The following PLEKHG1 variants were observed in gnomAD, a reference collection of about 807,000 sequenced individuals.
The protein encoded by PLEKHG1 is pleckstrin homology domain-containing family G member 1.
PLEKHG1 carries 44 observed loss-of-function variants against 100.8 expected under a neutral mutation model. That is an observed-to-expected ratio of 0.44 (90% CI 0.34 to 0.56). PLEKHG1 has a LOEUF of 0.56. Ranked by LOEUF, PLEKHG1 falls within the 20% of genes least tolerant of loss-of-function variation. PLEKHG1 has a pLI of 0.01. For missense variants in PLEKHG1, 1,545 were observed against 1,720.9 expected, an observed-to-expected ratio of 0.90 and a Z score of 1.81; for synonymous variants, 640 against 662.5, an observed-to-expected ratio of 0.97 and a Z score of 0.52.
At chr6:150,626,913 C>G (rs942306327) in intron 1 of PLEKHG1, among the ~76,000 whole-genome samples, 1 of 152,144 alleles carries the variant, frequency 6.6e-6, no homozygotes, top group Non-Finnish European at 1.5e-5. Flanking sequence ...TCTTTGTGCT[C>G]AACCATTAGT....
chr6:150,797,195 T>C (rs1328705347), intron 5 of PLEKHG1, among the ~76,000 whole-genome samples: 1 of 152,044 alleles, frequency 6.6e-6, no homozygotes, highest in East Asian at 1.9e-4. Context: ...CTAGGGAGAC[T>C]TTACACACTC....
upstream of PLEKHG1, among the ~76,000 whole-genome samples, chr6:150,716,176 G>A (rs1322892922): frequency 6.6e-6 from 1 of 151,482 alleles, no homozygotes; most frequent in Non-Finnish European, 1.5e-5. Context: ...ACTTCTAATA[G>A]ACTAAAAATA....
chr6:150,658,651 G>A (rs983175640), intron 3 of PLEKHG1, among the ~76,000 whole-genome samples: 5 of 152,100 alleles, frequency 3.3e-5, no homozygotes, highest in Non-Finnish European at 7.4e-5. Flanking sequence ...TCTTAAAGCT[G>A]CCTCTAACTC....
At chr6:150,731,493 G>A (rs965613034) in intron 1 of PLEKHG1, among the ~76,000 whole-genome samples, 1 of 152,202 alleles carries the variant, frequency 6.6e-6, no homozygotes, top group Non-Finnish European at 1.5e-5. Flanking sequence ...TGTTGAAGGA[G>A]AGACTTGTTG....
intron 3 of PLEKHG1, among the ~76,000 whole-genome samples, chr6:150,697,038 G>A (rs9942537): frequency 0.028 from 4,213 of 151,608 alleles, 184 homozygotes; most frequent in African/African-American, 0.097. Flanking sequence ...CAGAGGTTGC[G>A]GTGAGCCAAG....
chr6:150,711,726 T>G (rs73780086), intron 3 of PLEKHG1, among the ~76,000 whole-genome samples: 1 of 152,238 alleles, frequency 6.6e-6, no homozygotes, highest in Admixed American at 6.5e-5. Context: ...TTCACTCTTG[T>G]GTCTTTAGTG....
At chr6:150,613,256 A>AT (rs759012883) in intron 1 of PLEKHG1, among the ~76,000 whole-genome samples, 3 of 152,184 alleles carry the variant, frequency 2.0e-5, no homozygotes, top group Non-Finnish European at 2.9e-5. Context: ...CTTATCAAAG[A>AT]AGTCCTACTG....
At chr6:150,670,373 G>A (rs1779543147) in intron 3 of PLEKHG1, among the ~76,000 whole-genome samples, 1 of 151,992 alleles carries the variant, frequency 6.6e-6, no homozygotes, top group Non-Finnish European at 1.5e-5. Flanking sequence ...TAAGATAAAC[G>A]TTGCGTTTGT....
At chr6:150,798,258 C>G (rs1368382502) in intron 5 of PLEKHG1, among the ~76,000 whole-genome samples, 3 of 152,114 alleles carry the variant, frequency 2.0e-5, no homozygotes, top group Non-Finnish European at 4.4e-5. Context: ...AAAAAACATT[C>G]AGATTCTGAA....
chr6:150,693,958 A>G (rs1420187425), intron 3 of PLEKHG1, among the ~76,000 whole-genome samples: 1 of 152,190 alleles, frequency 6.6e-6, no homozygotes, highest in Non-Finnish European at 1.5e-5. Flanking sequence ...ATTCCCAGCC[A>G]AGTCGGTACA....
At chr6:150,781,860 C>T (rs564848730) in intron 3 of PLEKHG1, among the ~76,000 whole-genome samples, 30 of 151,704 alleles carry the variant, frequency 2.0e-4, no homozygotes, top group South Asian at 6.3e-4. Context: ...CAAGCTCCAC[C>T]TCCCGGGTTC....
At chr6:150,706,799 A>C (rs1781025813) in intron 3 of PLEKHG1, among the ~76,000 whole-genome samples, 1 of 151,856 alleles carries the variant, frequency 6.6e-6, no homozygotes, top group Admixed American at 6.6e-5. Flanking sequence ...GAATATAAAG[A>C]GACCAAAAAA....
intron 3 of PLEKHG1, among the ~76,000 whole-genome samples, chr6:150,695,503 T>G (rs1780507573): frequency 6.6e-6 from 1 of 152,216 alleles, no homozygotes; most frequent in African/African-American, 2.4e-5. Flanking sequence ...CCTTGAAAAT[T>G]TAAAGTATAG....
At chr6:150,639,387 T>C (rs1278305316) in intron 2 of PLEKHG1, among the ~76,000 whole-genome samples, 1 of 152,142 alleles carries the variant, frequency 6.6e-6, no homozygotes, top group Non-Finnish European at 1.5e-5. Flanking sequence ...TCTGCAACAT[T>C]TATCATTTTT....
chr6:150,843,234 C>G (rs1015697710), exon 16 of PLEKHG1: 2 of 152,204 alleles, frequency 1.3e-5, no homozygotes, highest in Non-Finnish European at 2.9e-5. Flanking sequence ...GAATACACCT[C>G]ACTGCACGTA....
At chr6:150,720,902 G>A (rs1327243686), upstream of PLEKHG1, among the ~76,000 whole-genome samples, 1 of 152,184 alleles carries the variant, frequency 6.6e-6, no homozygotes, top group Admixed American at 6.5e-5. Context: ...GCATTTTCGA[G>A]TTACCCACAG....
Position 150,804,535 on chromosome 6 carries a change from G to A in PLEKHG1, c.781-75G>A, listed in dbSNP as rs150761409. 113 of 1,188,076 alleles carry A rather than the reference G, an allele frequency of 9.5e-5. No homozygotes were observed. The East Asian group carries it at 2.4e-3, about 25-fold the overall frequency. The allele number at this position is 1,188,076 out of a possible 1,614,324, so 73.6% of individuals were successfully genotyped here. ...AATAAAATATAAGGAACTAATCATA[G>A]CGGTGCCATTTGTTTCACTGTCTAT... is the stretch of plus-strand genomic sequence containing the variant. On this transcript the variant is annotated intron_variant, in intron 6 of 15. Coordinates refer to ENST00000358517, the Ensembl canonical transcript of PLEKHG1.
intron 1 of PLEKHG1, among the ~76,000 whole-genome samples, chr6:150,732,641 A>G (rs1430393570): frequency 1.3e-5 from 2 of 152,164 alleles, no homozygotes; most frequent in African/African-American, 4.8e-5. Flanking sequence ...GTTTTGAGAT[A>G]AAGTCTTGCT....
chr6:150,656,478 A>G lies in PLEKHG1; in HGVS notation c.-99+5692A>G, dbSNP rs532097856. Among the ~76,000 whole-genome samples the G allele has an allele frequency of 3.9e-5, 6 of 152,218 alleles. No homozygotes were observed. The East Asian group carries it at 1.2e-3, about 29-fold the overall frequency. On this transcript the variant is annotated intron_variant, in intron 3 of 3. Transcript: ENST00000367326. Reference sequence around the variant, plus strand: ...TGTGGTCAAGTAAGTTTGGGATTTCAGTAAGGTTAATTGGTTTCTGTTGCT... The same window carrying G: ...TGTGGTCAAGTAAGTTTGGGATTTCGGTAAGGTTAATTGGTTTCTGTTGCT...
Sources: gnomAD v4.1 joint callset for allele counts (sites outside exome capture counted in the v4.1 genomes callset) on GRCh38, gnomAD v4.1.1 for gene constraint, MANE v1.5 for transcripts, NCBI Gene and HGNC (gene_info 2026-07-23, HGNC 2026-07-21) for gene names.